OLFM2: variants seen among roughly 807,000 people sequenced by gnomAD.
OLFM2 encodes the protein noelin-2.
In OLFM2, 20 loss-of-function variants were observed where a neutral mutation model predicts 43.9. That is an observed-to-expected ratio of 0.46 (90% CI 0.32 to 0.66). The LOEUF (loss-of-function observed/expected upper bound fraction) is 0.66, where lower values mean the gene tolerates loss of function less well. OLFM2 is among the 30% of genes least tolerant of loss of function. OLFM2 has a pLI of 0.04. For synonymous variants in OLFM2, 268 were observed against 278.6 expected, an observed-to-expected ratio of 0.96 and a Z score of 0.38; for missense variants, 416 against 643.6, an observed-to-expected ratio of 0.65 and a Z score of 3.83.
intron 1 of OLFM2, among the ~76,000 whole-genome samples, chr19:9,920,014 G>A (rs62104300): frequency 0.2 from 29,367 of 149,426 alleles, 3,687 homozygotes; most frequent in Non-Finnish European, 0.29. Flanking sequence ...CATGTTGGCC[G>A]GCTGGTCTCG....
At chr19:9,882,247 A>G (rs536951635) in intron 1 of OLFM2, among the ~76,000 whole-genome samples, 2 of 145,838 alleles carry the variant, frequency 1.4e-5, no homozygotes, top group African/African-American at 2.5e-5. Context: ...CTCAAAAAAG[A>G]AAAAAAAAAG....
At chr19:9,898,025 C>T (rs934661986) in intron 1 of OLFM2, among the ~76,000 whole-genome samples, 1 of 151,406 alleles carries the variant, frequency 6.6e-6, no homozygotes, top group African/African-American at 2.4e-5. Flanking sequence ...ACACCTCAGC[C>T]TTCCAAGTAG....
intron 1 of OLFM2, among the ~76,000 whole-genome samples, chr19:9,901,404 C>T (rs947046644): frequency 7.9e-5 from 12 of 151,698 alleles, no homozygotes; most frequent in Non-Finnish European, 1.6e-4. Flanking sequence ...CCAGCCTGGG[C>T]GACAGAGTGA....
intron 1 of OLFM2, among the ~76,000 whole-genome samples, chr19:9,908,776 C>T (rs1474322331): frequency 6.6e-6 from 1 of 151,968 alleles, no homozygotes; most frequent in African/African-American, 2.4e-5. Flanking sequence ...CGGGTTTCAC[C>T]ATGTTGGCCA....
In OLFM2 at chr19:9,860,791, G is replaced by A; in HGVS notation, c.67C>T (p.Leu23Phe). 2.5e-6 allele frequency: 4 copies of A among 1,605,122 alleles called. No homozygotes were observed. The highest frequency in any genetic ancestry group is 2.2e-5 in the South Asian group (2 of 90,088). Residue 23 changes from leucine (L) to phenylalanine (F), a missense_variant, in exon 2 of 6, where the codon CTC becomes TTC. Leu to Phe is a conservative substitution (Grantham distance 22). Transcript: ENST00000264833. ...LLCSGLAGQT[L>F]FQNPEEGWQL... Reference sequence around the variant, plus strand: ...CAGCCCTCTTCTGGGTTCTGGAAGAGAGTCTGCAAAGAGGTGGGGGTCAGA... The same window carrying A: ...CAGCCCTCTTCTGGGTTCTGGAAGAAAGTCTGCAAAGAGGTGGGGGTCAGA...
chr19:9,867,586 C>T (rs1041268953), intron 1 of OLFM2, among the ~76,000 whole-genome samples: 5 of 152,150 alleles, frequency 3.3e-5, no homozygotes, highest in African/African-American at 1.2e-4. Flanking sequence ...TTGGGGCTTA[C>T]ATATTTATTT....
Position 9,880,958 on chromosome 19 carries a change from C to T in OLFM2, c.64-20164G>A, listed in dbSNP as rs757678572. Among the ~76,000 whole-genome samples, 31 of 152,094 alleles carry T rather than the reference C, an allele frequency of 2.0e-4. 1 individual carries two copies. The highest frequency in any genetic ancestry group is 6.3e-4 in the African/African-American group (26 of 41,402). On this transcript the variant is annotated intron_variant, in intron 1 of 5. Coordinates refer to ENST00000264833, the MANE Select transcript of OLFM2 (RefSeq NM_058164.4). ...TGTCACCCAGGCTGGAGTGCAGTGA[C>T]GCAATGTAGGCTCACTGCAGCCTCT...
At chr19:9,919,336 T>C (rs2086405519) in intron 1 of OLFM2, among the ~76,000 whole-genome samples, 1 of 151,856 alleles carries the variant, frequency 6.6e-6, no homozygotes, top group Non-Finnish European at 1.5e-5. Flanking sequence ...CCGGAGAATT[T>C]TTTATATTTT....
intron 1 of OLFM2, among the ~76,000 whole-genome samples, chr19:9,918,136 C>T (rs1203137765): frequency 6.6e-6 from 1 of 152,078 alleles, no homozygotes; most frequent in African/African-American, 2.4e-5. Flanking sequence ...ACCTCGGCCT[C>T]CCAAAGTGCT....
Position 9,936,446 on chromosome 19 carries a change from C to A in OLFM2, c.-80G>T. The A allele has an allele frequency of 2.0e-6, 2 of 1,022,916 alleles. No individual in the cohort carries two copies. Among genetic ancestry groups the A allele is most frequent in the Non-Finnish European group, 2.4e-6 (2 of 850,808 alleles). 63.4% of individuals were successfully genotyped at this position (1,022,916 alleles called of 1,614,324 possible). ...GCGGGGACCGCCACCAGGCGCGACCCCGCCCGCCCGGCCGGGGCGACCCTG... is the reference window on the plus strand; with the variant it reads ...GCGGGGACCGCCACCAGGCGCGACCACGCCCGCCCGGCCGGGGCGACCCTG... On this transcript the variant is annotated 5_prime_UTR_variant, in exon 1 of 6. Transcript: ENST00000264833.
chr19:9,863,692 C>T (rs1277982699), intron 1 of OLFM2, among the ~76,000 whole-genome samples: 2 of 151,834 alleles, frequency 1.3e-5, no homozygotes, highest in Non-Finnish European at 2.9e-5. Flanking sequence ...TGAGCGATCC[C>T]GGGGACTCCA....
chr19:9,870,946 G>A (rs889249826), intron 1 of OLFM2, among the ~76,000 whole-genome samples: 3 of 152,090 alleles, frequency 2.0e-5, no homozygotes, highest in Non-Finnish European at 4.4e-5. Flanking sequence ...CTGTAATCCT[G>A]GCACTTTGGG....
At chr19:9,886,480 T>C (rs778907832) in intron 1 of OLFM2, among the ~76,000 whole-genome samples, 19 of 151,908 alleles carry the variant, frequency 1.3e-4, no homozygotes, top group Admixed American at 1.3e-4. Context: ...ATGTTGGTAT[T>C]ACCGCACTGG....
At chr19:9,894,409 T>TAATAATAATAATA (rs1555726682) in intron 1 of OLFM2, among the ~76,000 whole-genome samples, 8 of 100,524 alleles carry the variant, frequency 8.0e-5, no homozygotes, top group Admixed American at 1.2e-4. Context: ...ATAATAATAA[T>TAATAATAATAATA]AATAAATAAA....
At position 9,860,686 on chromosome 19, in the gene OLFM2, G is replaced by A. The variant is rs529000203; in HGVS notation, c.172C>T (p.Arg58Ter). The A allele has an allele frequency of 5.0e-6, 8 of 1,600,230 alleles. No individual in the cohort carries two copies. Among genetic ancestry groups the A allele is most frequent in the Non-Finnish European group, 6.8e-6 (8 of 1,173,230 alleles). Residue 58 changes from arginine to a stop codon, truncating the protein, a stop_gained, in exon 2 of 6, where the codon CGA becomes TGA. Transcript: ENST00000264833. LOFTEE classifies it high-confidence loss of function. ...AVIPAQSTCSRDGRSRELRQL... is the reference protein window; with the variant it reads ...AVIPAQSTCS ...CGCAGCTCCCGACTCCTGCCATCTC[G>A]AGAGCAGGTACTCTGCGCTGGGATC...
chr19:9,903,202 T>G (rs1181618332), intron 1 of OLFM2, among the ~76,000 whole-genome samples: 1 of 152,200 alleles, frequency 6.6e-6, no homozygotes, highest in African/African-American at 2.4e-5. Flanking sequence ...CCATTGCTTT[T>G]ATCCTGGATA....
At chr19:9,935,110 G>T (rs1036290168) in intron 1 of OLFM2, among the ~76,000 whole-genome samples, 1 of 152,108 alleles carries the variant, frequency 6.6e-6, no homozygotes, top group East Asian at 1.9e-4. Context: ...CTGCGCCTCA[G>T]TTTCCCCATC....
At chr19:9,913,597 C>A in intron 1 of OLFM2, 9 of 1,310,156 alleles carry the variant, frequency 6.9e-6, no homozygotes, top group Non-Finnish European at 8.8e-6. Flanking sequence ...CGGCCCCGAT[C>A]TTGAGCAGCG....
At chr19:9,913,868 C>A (rs112372732) in intron 1 of OLFM2, 2 of 177,240 alleles carry the variant, frequency 1.1e-5, no homozygotes, top group African/African-American at 2.4e-5. Context: ...CGCGCCTCCG[C>A]GCCGGGCACT....
Sources: allele counts gnomAD v4.1 joint callset (sites outside exome capture counted in the v4.1 genomes callset), GRCh38; gene constraint gnomAD v4.1.1; transcripts MANE v1.5; gene names NCBI Gene and HGNC (gene_info 2026-07-23, HGNC 2026-07-21).